The following CSNK1A1L variants were observed in gnomAD, a reference collection of about 807,000 sequenced individuals.
CSNK1A1L encodes the protein casein kinase 1 alpha 1 like.
CSNK1A1L carries 20 observed loss-of-function variants against 24.6 expected under a neutral mutation model. The ratio of observed to expected loss-of-function variants is 0.81; its 90% CI spans 0.57 to 1.18. The LOEUF (loss-of-function observed/expected upper bound fraction) is 1.18. CSNK1A1L is among the 50% of genes most tolerant of loss of function. The probability of loss-of-function intolerance (pLI) is 0.00; values close to 1 mark genes in which losing one functional copy is unlikely to be tolerated. For missense variants in CSNK1A1L, 414 were observed against 419.0 expected, an observed-to-expected ratio of 0.99 and a Z score of 0.10; for synonymous variants, 152 against 154.0, an observed-to-expected ratio of 0.99 and a Z score of 0.09.
At position 37,104,619 on chromosome 13, in the gene CSNK1A1L, T is replaced by C. The variant is rs1421146080; in HGVS notation, c.638A>G (p.Tyr213Cys). Residue 213 changes from tyrosine (Y) to cysteine (C), a missense_variant, in exon 1 of 1, where the codon TAT becomes TGT. Transcript: ENST00000379800. ...DMESLGYVFM[Y>C]FNRTSLPWQG... Reference sequence around the variant, plus strand: ...CCACGGCAGGCTGGTTCTATTAAAATACATGAAAACGTAGCCTAAGGATTC... The same window carrying C: ...CCACGGCAGGCTGGTTCTATTAAAACACATGAAAACGTAGCCTAAGGATTC... The C allele has an allele frequency of 1.9e-6, 3 of 1,614,056 alleles. No individual in the cohort carries two copies. The highest frequency in any genetic ancestry group is 1.7e-6 in the Non-Finnish European group (2 of 1,180,030).
Position 37,104,478 on chromosome 13 carries a change from A to G in CSNK1A1L, c.779T>C (p.Leu260Ser). The G allele has an allele frequency of 1.2e-6, 2 of 1,614,188 alleles. No individual in the cohort carries two copies. The highest frequency in any genetic ancestry group is 1.7e-6 in the Non-Finnish European group (2 of 1,180,028). ...AAAGCGCAGCCCACGACAGTAGTTC[A>G]AGTACATGGCGAATTCTGCAGGAAA... The part of the protein sequence containing the change: ...KGFPAEFAMY[L>S]NYCRGLRFEE... Residue 260 changes from leucine to serine, a missense_variant, in exon 1 of 1, where the codon TTG becomes TCG. Physicochemically the swap from Leu to Ser is moderately radical, Grantham distance 145. Transcript: ENST00000379800.
At position 37,105,080 on chromosome 13, in the gene CSNK1A1L, A is replaced by G. The variant is rs1447265294; in HGVS notation, c.177T>C (p.Tyr59=). The change falls in exon 1 of 1, where the codon TAT becomes TAC. Residue 59 remains tyrosine (Y), a synonymous_variant. Coordinates refer to ENST00000379800, the MANE Select transcript of CSNK1A1L (RefSeq NM_145203.6). ...SQKVKHPQLL[Y]ESKLYTILQG... is the part of the protein sequence containing the mutation. Reference sequence around the variant, plus strand: ...GAAGAATCGTGTAGAGTTTGCTCTCATACAGCAACTGGGGGTGCTTGACCT... The same window carrying G: ...GAAGAATCGTGTAGAGTTTGCTCTCGTACAGCAACTGGGGGTGCTTGACCT... 6.2e-7 allele frequency: 1 copy of G among 1,614,128 alleles called. No homozygotes were observed. Among genetic ancestry groups the G allele is most frequent in the Admixed American group, 1.7e-5 (1 of 60,028 alleles).
chr13:37,104,434 T>A lies in CSNK1A1L; in HGVS notation c.823A>T (p.Met275Leu), dbSNP rs773638205. The part of the protein sequence containing the change: ...GLRFEEVPDY[M>L]YLRQLFRILF... ...ATGCGGAATAGCTGCCTCAGATACA[T>A]GTAATCTGGGACTTCCTCAAAGCGC... The change falls in exon 1 of 1, where the codon ATG becomes TTG. Residue 275 changes from methionine to leucine, a missense_variant. Met to Leu is a conservative substitution (Grantham distance 15). Transcript: ENST00000379800. 1 of 1,614,102 alleles carries A rather than the reference T, an allele frequency of 6.2e-7. No individual in the cohort carries two copies. Among genetic ancestry groups the A allele is most frequent in the African/African-American group, 1.3e-5 (1 of 74,938 alleles).
chr13:37,104,216 T>C lies in CSNK1A1L; in HGVS notation c.*27A>G. 1 of 1,614,072 alleles carries C rather than the reference T, an allele frequency of 6.2e-7. No homozygotes were observed. Among genetic ancestry groups the C allele is most frequent in the Non-Finnish European group, 8.5e-7 (1 of 1,179,892 alleles). ...AACAAATGCTGCTCGAATCATCTGC[T>C]CTGCTTCTTCTGTTCCTCATTCACG... On this transcript the variant is annotated 3_prime_UTR_variant, in exon 1 of 1. Coordinates refer to ENST00000379800, the MANE Select transcript of CSNK1A1L (RefSeq NM_145203.6).
chr13:37,105,179 G>A lies in CSNK1A1L; in HGVS notation c.78C>T (p.Gly26=). The A allele has an allele frequency of 6.2e-7, 1 of 1,614,146 alleles. No individual in the cohort carries two copies. Residue 26 remains glycine, a synonymous_variant, in exon 1 of 1, where the codon GGC becomes GGT. Transcript: ENST00000379800. ...KYKLVRKIGS[G]SFGDVYLGIT... ...TGCCCAGATAAACGTCTCCAAAGGA[G>A]CCAGACCCGATCTTCCGCACCAGTT...
chr13:37,105,226 G>C lies in CSNK1A1L; in HGVS notation c.31C>G (p.Leu11Val). Residue 11 changes from leucine to valine, a missense_variant, in exon 1 of 1, where the codon CTC (leucine) becomes GTC (valine). Coordinates refer to ENST00000379800, the MANE Select transcript of CSNK1A1L (RefSeq NM_145203.6). MTNNSGSKAE[L>V]VVGGKYKLVR... Reference sequence around the variant, plus strand: ...AGTTTGTATTTCCCTCCCACAACGAGTTCGGCTTTGGAGCCGCTGTTGTTT... The same window carrying C: ...AGTTTGTATTTCCCTCCCACAACGACTTCGGCTTTGGAGCCGCTGTTGTTT... 6.2e-7 allele frequency: 1 copy of C among 1,614,098 alleles called. No individual in the cohort carries two copies. The highest frequency in any genetic ancestry group is 8.5e-7 in the Non-Finnish European group (1 of 1,179,988).
At position 37,103,395 on chromosome 13, in the gene CSNK1A1L, T is replaced by C. The variant is rs2139726374; in HGVS notation, c.*848A>G. 1 of 152,436 alleles carries C rather than the reference T, an allele frequency of 6.6e-6. No homozygotes were observed. The highest frequency in any genetic ancestry group is 2.4e-5 in the African/African-American group (1 of 41,576). 9.4% of individuals were successfully genotyped at this position (152,436 alleles called of 1,614,324 possible). A position where few individuals can be genotyped will look rare whatever the true frequency, so the allele number is the denominator to read the frequency against. ...TTGGTTGTTGTTTAAAAAAGTATTATTTCCTTATAGAAACAGTTTTCAGAT... is the reference window on the plus strand; with the variant it reads ...TTGGTTGTTGTTTAAAAAAGTATTACTTCCTTATAGAAACAGTTTTCAGAT... On this transcript the variant is annotated 3_prime_UTR_variant, in exon 1 of 1. Coordinates refer to ENST00000379800, the MANE Select transcript of CSNK1A1L (RefSeq NM_145203.6).
Sources: gnomAD v4.1 joint callset for allele counts on GRCh38, gnomAD v4.1.1 for gene constraint, MANE v1.5 for transcripts, NCBI Gene and HGNC (gene_info 2026-07-23, HGNC 2026-07-21) for gene names.